CYTH3: variants seen among roughly 807,000 people sequenced by gnomAD.
CYTH3 encodes cytohesin-3.
In CYTH3, 23 loss-of-function variants were observed where a neutral mutation model predicts 55.1. The ratio of observed to expected loss-of-function variants is 0.42; its 90% CI spans 0.30 to 0.59. The LOEUF (loss-of-function observed/expected upper bound fraction) is 0.59, where lower values mean the gene tolerates loss of function less well. Ranked by LOEUF, CYTH3 falls within the 20% of genes least tolerant of loss-of-function variation. The probability of loss-of-function intolerance (pLI) is 0.20; values close to 1 mark genes in which losing one functional copy is unlikely to be tolerated. For missense variants in CYTH3, 413 were observed against 524.8 expected (o/e 0.79, Z 2.08); for synonymous variants, 249 against 194.9 (o/e 1.28, Z -2.31).
chr7:6,227,315 C>G (rs1779279786), intron 1 of CYTH3, among the ~76,000 whole-genome samples: 1 of 151,696 alleles, frequency 6.6e-6, no homozygotes, highest in Non-Finnish European at 1.5e-5. Context: ...GAATTTTAAG[C>G]CTCAAGTCAG....
intron 1 of CYTH3, among the ~76,000 whole-genome samples, chr7:6,210,671 T>G (rs536843008): frequency 6.6e-6 from 1 of 152,216 alleles, no homozygotes; most frequent in Non-Finnish European, 1.5e-5. Context: ...AAACCCCCAG[T>G]GCTTGTCAGT....
At chr7:6,203,377 A>G (rs1458791699) in intron 1 of CYTH3, among the ~76,000 whole-genome samples, 1 of 152,322 alleles carries the variant, frequency 6.6e-6, no homozygotes, top group African/African-American at 2.4e-5. Context: ...TAGAGGCAAA[A>G]CTAAACAACT....
In CYTH3 at chr7:6,165,374, A is replaced by G. The variant is rs1782965616; in HGVS notation, c.1026T>C (p.Cys342=). The change falls in exon 12 of 13, where the codon TGT becomes TGC. Residue 342 remains cysteine, a synonymous_variant. Coordinates refer to ENST00000350796, the MANE Select transcript of CYTH3 (RefSeq NM_004227.4). ...CCACGCGGCCGTCGGCCTCAGTCTT[A>G]CAGGCCTTGATGACCTGCCCTTTGT... is the stretch of plus-strand genomic sequence containing the variant. ...PSHKGQVIKA[C]KTEADGRVVE... is the part of the protein sequence containing the mutation. The G allele has an allele frequency of 6.2e-7, 1 of 1,614,148 alleles. No individual in the cohort carries two copies. The highest frequency in any genetic ancestry group is 8.5e-7 in the Non-Finnish European group (1 of 1,180,028).
intron 2 of CYTH3, chr7:6,188,836 T>C (rs1488917004): frequency 6.6e-6 from 1 of 152,204 alleles, no homozygotes; most frequent in Non-Finnish European, 1.5e-5. Flanking sequence ...ATCCTTATTC[T>C]TCAACCAGAG....
In CYTH3 at chr7:6,171,616, T is replaced by G; in HGVS notation, c.450-302A>C. ...GGATCCTGGCACTTCTCTGTCCCCATTGCCACCATCTCCTGCTGCTGCCAG... is the reference window on the plus strand; with the variant it reads ...GGATCCTGGCACTTCTCTGTCCCCAGTGCCACCATCTCCTGCTGCTGCCAG... On this transcript the variant is annotated intron_variant, in intron 6 of 12. Transcript: ENST00000350796. This position sits in a 1 kb window ranked among gnomAD's most constrained non-coding sequence, Gnocchi z 6.7. 3.1e-6 allele frequency: 1 copy of G among 319,432 alleles called. No individual in the cohort carries two copies. Among genetic ancestry groups the G allele is most frequent in the Non-Finnish European group, 6.2e-6 (1 of 161,914 alleles). 19.8% of individuals were successfully genotyped at this position (319,432 alleles called of 1,614,324 possible).
chr7:6,253,684 T>C (rs759788349), intron 1 of CYTH3, among the ~76,000 whole-genome samples: 1 of 152,016 alleles, frequency 6.6e-6, no homozygotes, highest in African/African-American at 2.4e-5. Flanking sequence ...GGCGTGGTAG[T>C]AGGCACCTGT....
chr7:6,172,357 C>A (rs746991983), intron 6 of CYTH3, among the ~76,000 whole-genome samples: 2 of 152,080 alleles, frequency 1.3e-5, no homozygotes, highest in Non-Finnish European at 1.5e-5. Flanking sequence ...GCACCAGCAG[C>A]CTTCAGACTC....
At position 6,219,785 on chromosome 7, in the gene CYTH3, G is replaced by GT. The variant is rs780701198; in HGVS notation, c.35-29255dup. Among the ~76,000 whole-genome samples, 73 of 151,640 alleles carry GT rather than the reference G, an allele frequency of 4.8e-4. No homozygotes were observed. In the East Asian group the frequency reaches 8.3e-3, roughly 17 times the overall value. On this transcript the variant is annotated intron_variant, in intron 1 of 12. Transcript: ENST00000350796. ...CTCATTCCTATCAAATTTCCAGTAA[G>GT]TTTTTTTTTAAGAGATAGCAAAGAC...
rs755203995 is a variant in CYTH3, at chr7:6,165,560, C to A, written c.957G>T (p.Glu319Asp). 1 of 1,614,048 alleles carries A rather than the reference C, an allele frequency of 6.2e-7. No homozygotes were observed. Among genetic ancestry groups the A allele is most frequent in the Non-Finnish European group, 8.5e-7 (1 of 1,179,936 alleles). The change falls in exon 11 of 13, where the codon GAG becomes GAT. Residue 319 changes from glutamate to aspartate, a missense_variant. Coordinates refer to ENST00000350796, the MANE Select transcript of CYTH3 (RefSeq NM_004227.4). ...PLENLSIREV[E>D]DPRKPNCFEL... ...AAGAGCTTACGGGTTTCCGGGGGTC[C>A]TCCACCTCCCTGATGCTGAGGTTTT...
At chr7:6,173,548 G>C (rs760552204) in intron 6 of CYTH3, 105 bp downstream of exon 6, 92 of 756,492 alleles carry the variant, frequency 1.2e-4, no homozygotes, top group Non-Finnish European at 2.1e-4. Flanking sequence ...TGTGAGACTC[G>C]TGTGGCACCA....
chr7:6,250,742 TTAGA>T (rs1404496023), intron 1 of CYTH3, among the ~76,000 whole-genome samples: 13 of 152,302 alleles, frequency 8.5e-5, no homozygotes, highest in Middle Eastern at 3.4e-3. Flanking sequence ...TGTTCTAAAA[TTAGA>T]TAGTGCTGAT....
chr7:6,259,744 ATATATATATATAT>A (rs1478589107), intron 1 of CYTH3, among the ~76,000 whole-genome samples: 393 of 17,874 alleles, frequency 0.022, 20 homozygotes, highest in East Asian at 0.042. Flanking sequence ...CATATATATA[ATATATATATATAT>A]TATATATATA....
At chr7:6,211,188 C>A (rs1393145198) in intron 1 of CYTH3, among the ~76,000 whole-genome samples, 1 of 152,204 alleles carries the variant, frequency 6.6e-6, no homozygotes, top group African/African-American at 2.4e-5. Context: ...GAGCACCTGG[C>A]TGGCTCCAGC....
intron 1 of CYTH3, among the ~76,000 whole-genome samples, chr7:6,206,614 A>G (rs1784193902): frequency 6.6e-6 from 1 of 152,214 alleles, no homozygotes; most frequent in African/African-American, 2.4e-5. Flanking sequence ...CGCTTTACTT[A>G]TTGCCCTTAA....
Position 6,190,429 on chromosome 7 carries a change from T to TG in CYTH3, c.117+19_117+20insC. The TG allele has an allele frequency of 2.5e-5, 4 of 157,402 alleles. No individual in the cohort carries two copies. The highest frequency in any genetic ancestry group is 3.0e-4 in the South Asian group (2 of 6,562). The allele number at this position is 157,402 out of a possible 1,614,324, so 9.8% of individuals were successfully genotyped here. On this transcript the variant is annotated intron_variant, in intron 2 of 12. Coordinates refer to ENST00000350796, the MANE Select transcript of CYTH3 (RefSeq NM_004227.4). ...AAAAAACAGAGTTTTGGATTTTTGG[T>TG]TTTTTTTTTTTTTTTTTACCTCAAT...
At chr7:6,261,395 A>C (rs1006342235) in intron 1 of CYTH3, among the ~76,000 whole-genome samples, 5 of 152,192 alleles carry the variant, frequency 3.3e-5, no homozygotes, top group Non-Finnish European at 7.3e-5. Context: ...AGGGTAAACC[A>C]GAATAGACCA....
chr7:6,222,049 C>A (rs968268971), intron 1 of CYTH3, among the ~76,000 whole-genome samples: 6 of 152,206 alleles, frequency 3.9e-5, no homozygotes, highest in Admixed American at 3.3e-4. Context: ...GACAGAAGGA[C>A]TTACACATCT....
chr7:6,188,680 T>C (rs1405939793), intron 2 of CYTH3: 1 of 152,236 alleles, frequency 6.6e-6, no homozygotes, highest in East Asian at 1.9e-4. Flanking sequence ...TTTCCCTTGA[T>C]GTGACCCCTA....
Position 6,265,253 on chromosome 7 carries a change from AG to A in CYTH3, c.34+7220del, listed in dbSNP as rs774790779. Among the ~76,000 whole-genome samples, 6 of 151,816 alleles carry A rather than the reference AG, an allele frequency of 4.0e-5. No homozygotes were observed. The East Asian group carries it at 5.8e-4, about 15-fold the overall frequency. ...ATTGAAAAGGTTATGAAAAAAAAAA[AG>A]ACTTGTGACAGAGATCATATGTGGC... On this transcript the variant is annotated intron_variant, in intron 1 of 12. Transcript: ENST00000350796.
Sources: gnomAD v4.1 joint callset for allele counts (sites outside exome capture counted in the v4.1 genomes callset) on GRCh38, gnomAD v4.1.1 for gene constraint, Gnocchi (gnomAD v3.1) non-coding constraint, MANE v1.5 for transcripts, NCBI Gene and HGNC (gene_info 2026-07-23, HGNC 2026-07-21) for gene names.